Variants in CSMD3 observed in about 807,000 individuals in gnomAD.
CSMD3 encodes the protein CUB and Sushi multiple domains 3, also known as CUB and sushi domain-containing protein 3.
CSMD3 carries 177 observed loss-of-function variants against 435.2 expected under a neutral mutation model. The observed-to-expected ratio is 0.41, with a 90% CI of 0.36 to 0.46. CSMD3 has a LOEUF of 0.46. CSMD3 is among the 20% of genes least tolerant of loss of function. The pLI is 0.34. For missense variants in CSMD3, 4,265 were observed against 4,504.6 expected (o/e 0.95, Z 1.52); for synonymous variants, 1,656 against 1,520.5 (o/e 1.09, Z -2.07).
intron 5 of CSMD3, among the ~76,000 whole-genome samples, chr8:113,062,539 T>C (rs996435087): frequency 1.9e-4 from 29 of 152,026 alleles, no homozygotes; most frequent in African/African-American, 6.0e-4. Context: ...TAATTACTAA[T>C]ATATAAATGT....
chr8:113,022,230 G>A (rs1012393064), intron 5 of CSMD3, among the ~76,000 whole-genome samples: 4 of 152,036 alleles, frequency 2.6e-5, no homozygotes, highest in African/African-American at 9.7e-5. Flanking sequence ...ATTACTAAAG[G>A]AGATATTCTA....
intron 7 of CSMD3, among the ~76,000 whole-genome samples, chr8:112,963,068 G>A (rs535795693): frequency 6.6e-6 from 1 of 152,032 alleles, no homozygotes; most frequent in African/African-American, 2.4e-5. Flanking sequence ...TCCAGCAGGC[G>A]GATGAAGGGA....
chr8:112,775,518 T>C (rs556841295), intron 13 of CSMD3, among the ~76,000 whole-genome samples: 1 of 65,362 alleles, frequency 1.5e-5, no homozygotes. Flanking sequence ...ATCATTCTTC[T>C]TTTATTTTAA....
chr8:112,225,952 G>T (rs1204820534), intron 70 of CSMD3, among the ~76,000 whole-genome samples: 2 of 152,068 alleles, frequency 1.3e-5, no homozygotes, highest in Non-Finnish European at 2.9e-5. Flanking sequence ...ATGGAAAAAA[G>T]GCAGACTTGC....
intron 5 of CSMD3, among the ~76,000 whole-genome samples, chr8:113,066,041 T>A (rs536971385): frequency 8.8e-4 from 127 of 144,226 alleles, no homozygotes; most frequent in Admixed American, 1.4e-3. Context: ...CTCTGCTCAA[T>A]TTTTTTTTTT....
intron 38 of CSMD3, among the ~76,000 whole-genome samples, chr8:112,374,011 C>A (rs1287165157): frequency 1.3e-5 from 2 of 152,186 alleles, no homozygotes; most frequent in African/African-American, 4.8e-5. Context: ...GCTGCCGTGG[C>A]TTGTTTTATA....
chr8:112,521,686 C>CT (rs1824297542), intron 27 of CSMD3, among the ~76,000 whole-genome samples: 2 of 151,830 alleles, frequency 1.3e-5, no homozygotes, highest in Admixed American at 6.6e-5. Context: ...CCAGCCTCAA[C>CT]TTTTTTCTGA....
intron 12 of CSMD3, among the ~76,000 whole-genome samples, chr8:112,826,708 A>C (rs995343506): frequency 6.6e-6 from 1 of 152,114 alleles, no homozygotes; most frequent in Non-Finnish European, 1.5e-5. Flanking sequence ...CAGGATTTGC[A>C]TACTGTTGTG....
intron 4 of CSMD3, among the ~76,000 whole-genome samples, chr8:113,166,408 G>A (rs1026948445): frequency 1.3e-5 from 2 of 152,118 alleles, no homozygotes; most frequent in Non-Finnish European, 1.5e-5. Context: ...GGAAGGATAA[G>A]CCAGGAGAAT....
intron 1 of CSMD3, among the ~76,000 whole-genome samples, chr8:113,412,834 A>G (rs1310741450): frequency 6.6e-6 from 1 of 152,098 alleles, no homozygotes; most frequent in Admixed American, 6.6e-5. Flanking sequence ...CAAAGCACGG[A>G]TGCATTAAAT....
chr8:112,661,016 A>T (rs1444059414), intron 17 of CSMD3, among the ~76,000 whole-genome samples: 1 of 152,140 alleles, frequency 6.6e-6, no homozygotes, highest in Non-Finnish European at 1.5e-5. Flanking sequence ...TCCTCACCCA[A>T]GGCCTATTCT....
chr8:113,215,983 C>G (rs1465586011), intron 3 of CSMD3, among the ~76,000 whole-genome samples: 1 of 151,588 alleles, frequency 6.6e-6, no homozygotes, highest in Admixed American at 6.6e-5. Context: ...GCAGGGAGAA[C>G]AGCATTCTTA....
At chr8:113,007,410 A>G (rs765806778) in intron 6 of CSMD3, among the ~76,000 whole-genome samples, 1 of 151,972 alleles carries the variant, frequency 6.6e-6, no homozygotes, top group African/African-American at 2.4e-5. Context: ...GTTTCTAAGA[A>G]GAGGAAATTT....
intron 12 of CSMD3, among the ~76,000 whole-genome samples, chr8:112,806,580 C>G (rs957248341): frequency 2.6e-5 from 4 of 152,106 alleles, no homozygotes; most frequent in African/African-American, 4.8e-5. Context: ...TTAGGAGATG[C>G]AATATCCTAA....
intron 32 of CSMD3, among the ~76,000 whole-genome samples, chr8:112,422,457 T>C (rs1812623363): frequency 1.3e-5 from 2 of 152,192 alleles, no homozygotes; most frequent in Admixed American, 1.3e-4. Context: ...GTAACTTTTA[T>C]TTTCACAATT....
intron 28 of CSMD3, among the ~76,000 whole-genome samples, chr8:112,509,351 A>G (rs1192984962): frequency 6.6e-6 from 1 of 152,092 alleles, no homozygotes; most frequent in Non-Finnish European, 1.5e-5. Context: ...AAGCCTCCCA[A>G]AGTGCTGGGA....
chr8:113,418,884 A>G (rs916740273), intron 1 of CSMD3, among the ~76,000 whole-genome samples: 1 of 152,172 alleles, frequency 6.6e-6, no homozygotes, highest in African/African-American at 2.4e-5. Context: ...TTAATATTAA[A>G]TACATCTGAA....
intron 4 of CSMD3, among the ~76,000 whole-genome samples, chr8:113,159,363 C>T (rs1399073774): frequency 6.6e-6 from 1 of 151,928 alleles, no homozygotes; most frequent in Admixed American, 6.6e-5. Context: ...CTTTCTGGCA[C>T]TTCCTGACCA....
chr8:113,037,418 C>T (rs2087401488), intron 5 of CSMD3, among the ~76,000 whole-genome samples: 1 of 151,964 alleles, frequency 6.6e-6, no homozygotes, highest in South Asian at 2.1e-4. Flanking sequence ...AAGACTGATA[C>T]CTCTCAAAAG....
Sources: gnomAD v4.1 joint callset for allele counts (sites outside exome capture counted in the v4.1 genomes callset) on GRCh38, gnomAD v4.1.1 for gene constraint, MANE v1.5 for transcripts, NCBI Gene and HGNC (gene_info 2026-07-23, HGNC 2026-07-21) for gene names.